Variants in CLDN11 observed in about 807,000 individuals in gnomAD.
CLDN11 encodes the protein claudin 11.
A neutral mutation model predicts 18.0 loss-of-function variants in CLDN11; 1 was observed. That is an observed-to-expected ratio of 0.06 (90% CI 0.02 to 0.26). CLDN11 has a LOEUF of 0.26. Among genes scored for constraint, CLDN11 ranks in the 10% least tolerant of loss-of-function variants. CLDN11 has a pLI of 1.00. For synonymous variants in CLDN11, 116 were observed against 121.5 expected (o/e 0.96, Z 0.30); for missense variants, 172 against 276.6 (o/e 0.62, Z 2.68).
chr3:170,420,239 C>T (rs538942153), intron 1 of CLDN11, among the ~76,000 whole-genome samples: 1 of 152,372 alleles, frequency 6.6e-6, no homozygotes, highest in East Asian at 1.9e-4. Flanking sequence ...ATGGCGAGGT[C>T]GCGGGCACCC....
chr3:170,430,310 A>G (rs1293809641), intron 2 of CLDN11, among the ~76,000 whole-genome samples: 4 of 152,218 alleles, frequency 2.6e-5, no homozygotes, highest in African/African-American at 9.6e-5. Flanking sequence ...AGTTCACGCC[A>G]GAGAAGAGAA....
At chr3:170,420,650 C>T (rs1044717245) in intron 1 of CLDN11, among the ~76,000 whole-genome samples, 25 of 152,340 alleles carry the variant, frequency 1.6e-4, no homozygotes, top group East Asian at 7.7e-4. Context: ...CCTGGCATGG[C>T]CTCTGGCACA....
chr3:170,424,517 C>T (rs1212451964), intron 2 of CLDN11, among the ~76,000 whole-genome samples: 2 of 152,174 alleles, frequency 1.3e-5, no homozygotes, highest in African/African-American at 2.4e-5. Context: ...GCTCTCTTCT[C>T]GTCAGTGATT....
intron 1 of CLDN11, chr3:170,421,230 C>T: frequency 2.1e-6 from 2 of 960,330 alleles, no homozygotes; most frequent in African/African-American, 1.8e-5. Flanking sequence ...AGGAACAGTC[C>T]TCTGTCCCTA....
chr3:170,432,460 G>A, intron 2 of CLDN11, 64 bp from the exon 3 acceptor site: 1 of 1,602,666 alleles, frequency 6.2e-7, no homozygotes, highest in South Asian at 1.1e-5. Context: ...GGAGTGAGTG[G>A]GCCTGCCCAA....
intron 2 of CLDN11, among the ~76,000 whole-genome samples, chr3:170,429,646 A>G (rs1054264244): frequency 2.0e-5 from 3 of 152,232 alleles, no homozygotes; most frequent in Non-Finnish European, 4.4e-5. Flanking sequence ...CAAAATCCCT[A>G]AAATACTCAA....
In CLDN11 at chr3:170,432,926, T is replaced by C; in HGVS notation, c.*170T>C. On this transcript the variant is annotated 3_prime_UTR_variant, in exon 3 of 3. Transcript: ENST00000064724. ...TCTTAACTTCTCCCCATTTCCCCCA[T>C]CTTTTGGTTGCCTTAAAAGAAATCT... 3 of 633,684 alleles carry C rather than the reference T, an allele frequency of 4.7e-6. No homozygotes were observed. The South Asian group carries it at 5.9e-5, about 13-fold the overall frequency. 39.3% of individuals were successfully genotyped at this position (633,684 alleles called of 1,614,324 possible).
In CLDN11 at chr3:170,434,467, AC is replaced by A. The variant is rs1340429021; in HGVS notation, c.*1713del. 2.0e-5 allele frequency among the ~76,000 whole-genome samples: 3 copies of A among 152,210 alleles called. No homozygotes were observed. Among genetic ancestry groups the A allele is most frequent in the Non-Finnish European group, 4.4e-5 (3 of 68,050 alleles). ...TAGGTATAAAAAGAGAATTAACGAA[AC>A]CTATTTTATTGGATCTTTAAGTAAT... On this transcript the variant is annotated 3_prime_UTR_variant, in exon 3 of 3. Transcript: ENST00000064724.
intron 2 of CLDN11, among the ~76,000 whole-genome samples, chr3:170,424,015 T>G (rs1577469416): frequency 5.3e-5 from 5 of 95,048 alleles, no homozygotes; most frequent in Admixed American, 3.1e-4. Context: ...GGTGACAGAG[T>G]GCAACTCCAA....
chr3:170,419,229 G>T lies in CLDN11; in HGVS notation c.163G>T (p.Asp55Tyr). ...GCTGGGCTCCAAGGGGCTGTGGGCC[G>T]ACTGCGTCATGGCCACGGGGCTGTA... ...DELGSKGLWA[D>Y]CVMATGLYHC... Residue 55 changes from aspartate (D) to tyrosine (Y), a missense_variant, in exon 1 of 3, where the codon GAC becomes TAC. Physicochemically the swap from Asp to Tyr is radical, Grantham distance 160 (BLOSUM62 -3). Transcript: ENST00000064724. This position sits in a 1 kb window ranked among gnomAD's most constrained non-coding sequence, Gnocchi z 8.6. The T allele has an allele frequency of 6.3e-7, 1 of 1,575,520 alleles. No homozygotes were observed. The highest frequency in any genetic ancestry group is 8.6e-7 in the Non-Finnish European group (1 of 1,160,902).
In CLDN11 at chr3:170,423,534, C is replaced by T. The variant is rs75227343; in HGVS notation, c.391+207C>T. On this transcript the variant is annotated intron_variant, in intron 2 of 2. Transcript: ENST00000064724. ...AGTAATGTCTCTGGGAGTCACTGAC[C>T]ATGAAGATAAGTTTAAAAAGAGAAA... The T allele has an allele frequency of 1.2e-3, 659 of 553,934 alleles. 9 individuals are homozygous for T. The highest frequency in any genetic ancestry group is 0.011 in the African/African-American group (597 of 53,498). The allele number at this position is 553,934 out of a possible 1,614,324, so 34.3% of individuals were successfully genotyped here. A position where few individuals can be genotyped will look rare whatever the true frequency, so the allele number is the denominator to read the frequency against.
In CLDN11 at chr3:170,433,166, G is replaced by A. The variant is rs1460336855; in HGVS notation, c.*410G>A. ...TTTTTTTTTTTTTTTTTTTTAAATA[G>A]GGCCTCACTCTGTTGCTCAGGCTGG... On this transcript the variant is annotated 3_prime_UTR_variant, in exon 3 of 3. Transcript: ENST00000064724. The A allele has an allele frequency of 2.5e-5, 3 of 118,576 alleles. No individual in the cohort carries two copies. Among genetic ancestry groups the A allele is most frequent in the Admixed American group, 2.0e-4 (2 of 10,130 alleles). The allele number at this position is 118,576 out of a possible 1,614,324, so 7.3% of individuals were successfully genotyped here. A position where few individuals can be genotyped will look rare whatever the true frequency, so the allele number is the denominator to read the frequency against.
chr3:170,426,969 A>T (rs1008236983), intron 2 of CLDN11, among the ~76,000 whole-genome samples: 2 of 152,068 alleles, frequency 1.3e-5, no homozygotes, highest in Non-Finnish European at 2.9e-5. Context: ...TTTTGTAGAG[A>T]TGGGGTTTCA....
chr3:170,428,347 T>C (rs1420209008), intron 2 of CLDN11, among the ~76,000 whole-genome samples: 1 of 152,188 alleles, frequency 6.6e-6, no homozygotes, highest in Non-Finnish European at 1.5e-5. Flanking sequence ...TTTAAAGAGA[T>C]TAAAAGCCAC....
rs939217250 is a variant in CLDN11 at position 170,419,360 on chromosome 3, G to A, written c.226+68G>A. On this transcript the variant is annotated intron_variant, in intron 1 of 2. Transcript: ENST00000064724. This position sits in a 1 kb window ranked among gnomAD's most constrained non-coding sequence, Gnocchi z 8.6. ...CTGGGTAGAGAGCGGGATATTAGAC[G>A]GCGTCACAGAGACATTTTGGGGGCT... The A allele has an allele frequency of 5.9e-6, 7 of 1,185,228 alleles. No homozygotes were observed. Among genetic ancestry groups the A allele is most frequent in the African/African-American group, 1.5e-5 (1 of 65,360 alleles). 73.4% of individuals were successfully genotyped at this position (1,185,228 alleles called of 1,614,324 possible).
Position 170,432,095 on chromosome 3 carries a change from G to C in CLDN11, c.392-429G>C, listed in dbSNP as rs1577473844. Among the ~76,000 whole-genome samples the C allele has an allele frequency of 3.9e-5, 6 of 152,246 alleles. No homozygotes were observed. In the East Asian group the frequency reaches 1.2e-3, roughly 29 times the overall value. On this transcript the variant is annotated intron_variant, in intron 2 of 2. Coordinates refer to ENST00000064724, the MANE Select transcript of CLDN11 (RefSeq NM_005602.6). The stretch of plus-strand genomic sequence containing the variant: ...TTTGCCTTGTACCAAGGTAGACATA[G>C]GTAAGACATGGACCCTACCTTCAAA...
rs548678365 is a variant in CLDN11, at chr3:170,434,536, T to A, written c.*1780T>A. On this transcript the variant is annotated 3_prime_UTR_variant, in exon 3 of 3. Coordinates refer to ENST00000064724, the MANE Select transcript of CLDN11 (RefSeq NM_005602.6). ...CGTTCAAACATACATATGTAGCTGT[T>A]TGGACATTTTGGACAAAGACACATT... Among the ~76,000 whole-genome samples, 107 of 152,378 alleles carry A rather than the reference T, an allele frequency of 7.0e-4. No homozygotes were observed. Among genetic ancestry groups the A allele is most frequent in the African/African-American group, 2.2e-3 (93 of 41,594 alleles).
chr3:170,425,508 C>G (rs939388098), intron 2 of CLDN11, among the ~76,000 whole-genome samples: 1 of 152,154 alleles, frequency 6.6e-6, no homozygotes. Flanking sequence ...AAAAAGCAAC[C>G]GGTGGTTTGA....
chr3:170,427,937 G>C (rs1738898545), intron 2 of CLDN11, among the ~76,000 whole-genome samples: 1 of 151,708 alleles, frequency 6.6e-6, no homozygotes, highest in South Asian at 2.1e-4. Context: ...CGGGCAGATT[G>C]CTTGAGCCCA....
Sources: gnomAD v4.1 joint callset for allele counts (sites outside exome capture counted in the v4.1 genomes callset) on GRCh38, gnomAD v4.1.1 for gene constraint, Gnocchi (gnomAD v3.1) non-coding constraint, MANE v1.5 for transcripts, NCBI Gene and HGNC (gene_info 2026-07-23, HGNC 2026-07-21) for gene names.